SLC39A11: variants seen among roughly 807,000 people sequenced by gnomAD.
SLC39A11 encodes the protein solute carrier family 39 member 11, also known as zinc transporter ZIP11.
In SLC39A11, 33 loss-of-function variants were observed where a neutral mutation model predicts 36.1. The ratio of observed to expected loss-of-function variants is 0.91; its 90% confidence interval spans 0.69 to 1.22. The LOEUF is 1.22. Among genes scored for constraint, SLC39A11 ranks in the 50% most tolerant of loss-of-function variants. SLC39A11 has a pLI of 0.00. For synonymous variants in SLC39A11, 166 were observed against 170.3 expected (o/e 0.97, Z 0.20); for missense variants, 432 against 430.3 (o/e 1.00, Z -0.03).
At chr17:72,866,228 C>A (rs937714357) in intron 5 of SLC39A11, among the ~76,000 whole-genome samples, 1 of 152,194 alleles carries the variant, frequency 6.6e-6, no homozygotes, top group Non-Finnish European at 1.5e-5. Context: ...ATATTGTGAA[C>A]TGCATATGTG....
At chr17:72,727,994 T>C (rs977270691) in intron 7 of SLC39A11, among the ~76,000 whole-genome samples, 1 of 152,212 alleles carries the variant, frequency 6.6e-6, no homozygotes, top group African/African-American at 2.4e-5. Flanking sequence ...TGGGTGGCTA[T>C]AATGCCACAG....
chr17:72,793,283 G>A (rs1028571487), intron 6 of SLC39A11, among the ~76,000 whole-genome samples: 3 of 152,120 alleles, frequency 2.0e-5, no homozygotes, highest in African/African-American at 7.2e-5. Context: ...GATTCCCAGG[G>A]TGCCATGCAA....
In SLC39A11 at chr17:72,923,106, C is replaced by T. The variant is rs1177962294; in HGVS notation, c.430+24646G>A. Among the ~76,000 whole-genome samples, 10 of 151,562 alleles carry T rather than the reference C, an allele frequency of 6.6e-5. 1 individual carries two copies. The South Asian group carries it at 1.9e-3, about 29-fold the overall frequency. ...CTCTTTCTTGTCATTTTCTATCTAA[C>T]ACTGAACAAGCCTAGTGGTAGATTG... On this transcript the variant is annotated intron_variant, in intron 5 of 9. Transcript: ENST00000255559.
chr17:72,808,468 G>A (rs1397935348), intron 6 of SLC39A11, among the ~76,000 whole-genome samples: 1 of 152,200 alleles, frequency 6.6e-6, no homozygotes, highest in Admixed American at 6.5e-5. Context: ...TTCAGGGACT[G>A]AAACTGGCTT....
intron 5 of SLC39A11, among the ~76,000 whole-genome samples, chr17:72,860,224 G>C (rs987375287): frequency 1.3e-5 from 2 of 152,050 alleles, no homozygotes; most frequent in African/African-American, 4.8e-5. Context: ...CTTCCTGCTA[G>C]TTTGCTAGTC....
intron 1 of SLC39A11, among the ~76,000 whole-genome samples, chr17:73,091,576 T>A (rs549979138): frequency 6.6e-5 from 10 of 151,810 alleles, no homozygotes; most frequent in Admixed American, 4.6e-4. Flanking sequence ...ACAGAAAGTT[T>A]TCTGCAGAGT....
chr17:72,923,619 G>A (rs2083836092), intron 5 of SLC39A11, among the ~76,000 whole-genome samples: 1 of 152,200 alleles, frequency 6.6e-6, no homozygotes. Context: ...TTCGAAGGCA[G>A]GAGTTGCAAT....
At chr17:72,798,414 C>CTTTTTTTTTTTTTT (rs145211486) in intron 6 of SLC39A11, among the ~76,000 whole-genome samples, 1 of 140,634 alleles carries the variant, frequency 7.1e-6, no homozygotes, top group Non-Finnish European at 1.5e-5. Context: ...CCACTTCTTT[C>CTTTTTTTTTTTTTT]TTTCTTTTTT....
chr17:72,848,638 T>C (rs1381200345), intron 6 of SLC39A11, among the ~76,000 whole-genome samples: 1 of 151,216 alleles, frequency 6.6e-6, no homozygotes. Context: ...GGAGAATCAC[T>C]TGAACCCAGG....
At chr17:72,840,332 A>G (rs1351591375) in intron 6 of SLC39A11, among the ~76,000 whole-genome samples, 2 of 152,254 alleles carry the variant, frequency 1.3e-5, no homozygotes, top group African/African-American at 2.4e-5. Context: ...AATAAAAAGC[A>G]TGGAATTCAC....
intron 5 of SLC39A11, among the ~76,000 whole-genome samples, chr17:72,870,090 A>G (rs949997135): frequency 6.6e-6 from 1 of 151,268 alleles, no homozygotes; most frequent in African/African-American, 2.4e-5. Flanking sequence ...TTTAAAAACT[A>G]CCTCATTCAT....
intron 4 of SLC39A11, among the ~76,000 whole-genome samples, chr17:72,964,532 G>A (rs1438314090): frequency 5.9e-5 from 9 of 152,182 alleles, no homozygotes; most frequent in Non-Finnish European, 4.4e-5. Flanking sequence ...AAGGAAGAAG[G>A]AAAAAGAAGA....
intron 5 of SLC39A11, among the ~76,000 whole-genome samples, chr17:72,881,680 A>C (rs2081201367): frequency 6.6e-6 from 1 of 152,210 alleles, no homozygotes; most frequent in African/African-American, 2.4e-5. Context: ...AAATACGACA[A>C]AATCTGTTCT....
In SLC39A11 at chr17:72,907,840, C is replaced by T. The variant is rs147191259; in HGVS notation, c.430+39912G>A. Among the ~76,000 whole-genome samples the T allele has an allele frequency of 1.2e-4, 18 of 152,358 alleles. No homozygotes were observed. In the East Asian group the frequency reaches 3.5e-3, roughly 29 times the overall value. ...CAGTCTGCACCCATATCCCACGCCA[C>T]AGACTGCGGTGCACAGCATGGGGCA... On this transcript the variant is annotated intron_variant, in intron 5 of 9. Coordinates refer to ENST00000255559, the MANE Select transcript of SLC39A11 (RefSeq NM_139177.4).
intron 6 of SLC39A11, among the ~76,000 whole-genome samples, chr17:72,842,102 G>GCA (rs1555592107): frequency 6.6e-6 from 1 of 151,168 alleles, no homozygotes; most frequent in Non-Finnish European, 1.5e-5. Context: ...GTGTGTGTGT[G>GCA]CACGCACGCG....
intron 5 of SLC39A11, among the ~76,000 whole-genome samples, chr17:72,905,033 C>T (rs567482971): frequency 7.9e-5 from 12 of 151,802 alleles, no homozygotes; most frequent in African/African-American, 2.4e-4. Context: ...ATTAGCCAGG[C>T]GAGGTGGCGG....
At chr17:72,885,943 C>T (rs965155974) in intron 5 of SLC39A11, among the ~76,000 whole-genome samples, 6 of 152,200 alleles carry the variant, frequency 3.9e-5, no homozygotes, top group Admixed American at 1.3e-4. Flanking sequence ...CCACTGGTGC[C>T]CATGTGGCCC....
intron 3 of SLC39A11, among the ~76,000 whole-genome samples, chr17:73,081,670 C>CATATATGTATATATGTAT (rs1568242944): frequency 3.6e-5 from 3 of 82,206 alleles, no homozygotes; most frequent in Non-Finnish European, 7.0e-5. Context: ...CACACACACA[C>CATATATGTATATATGTAT]ATATATATAC....
chr17:73,062,856 G>A (rs148821437), intron 3 of SLC39A11, among the ~76,000 whole-genome samples: 1,650 of 152,296 alleles, frequency 0.011, 55 homozygotes, highest in Admixed American at 0.052. Flanking sequence ...CACCATAGGA[G>A]TTGTGCTCCT....
Sources: gnomAD v4.1 joint callset for allele counts (sites outside exome capture counted in the v4.1 genomes callset) on GRCh38, gnomAD v4.1.1 for gene constraint, MANE v1.5 for transcripts, NCBI Gene and HGNC (gene_info 2026-07-23, HGNC 2026-07-21) for gene names.